PLEKHG5: variants seen among roughly 807,000 people sequenced by gnomAD.
The protein encoded by PLEKHG5 is pleckstrin homology domain-containing family G member 5.
A neutral mutation model predicts 103.8 loss-of-function variants in PLEKHG5; 52 were observed. The ratio of observed to expected loss-of-function variants is 0.50; its 90% CI spans 0.40 to 0.63. The LOEUF (loss-of-function observed/expected upper bound fraction) is 0.63. PLEKHG5 is among the 30% of genes least tolerant of loss of function. The probability of loss-of-function intolerance (pLI) is 0.00; values close to 1 mark genes in which losing one functional copy is unlikely to be tolerated. For missense variants in PLEKHG5, 1,205 were observed against 1,347.6 expected, an observed-to-expected ratio of 0.89 and a Z score of 1.66; for synonymous variants, 592 against 575.5, an observed-to-expected ratio of 1.03 and a Z score of -0.41.
intron 1 of PLEKHG5, among the ~76,000 whole-genome samples, chr1:6,507,925 A>G (rs1638368619): frequency 6.6e-6 from 1 of 152,142 alleles, no homozygotes. Flanking sequence ...ACTGAGGCTT[A>G]GGGAATAGGA....
intron 1 of PLEKHG5, among the ~76,000 whole-genome samples, chr1:6,513,198 G>A (rs1638525710): frequency 6.6e-6 from 1 of 152,222 alleles, no homozygotes; most frequent in South Asian, 2.1e-4. Context: ...CTGGCCCAGG[G>A]CAGGTGCCAG....
In PLEKHG5 at chr1:6,501,836, C is replaced by A. The variant is rs1177110508; in HGVS notation, c.-164-5267G>T. On this transcript the variant is annotated intron_variant, in intron 1 of 21. Transcript: ENST00000377740. The surrounding 1 kb of genome is among the most constrained non-coding windows in gnomAD (Gnocchi z 4.3). Reference sequence around the variant, plus strand: ...TGAGTGTCCCCTTTCCCCACTGGTCCCAGGCTGACACAAGTGCATGGAAAA... The same window carrying A: ...TGAGTGTCCCCTTTCCCCACTGGTCACAGGCTGACACAAGTGCATGGAAAA... 1.3e-5 allele frequency among the ~76,000 whole-genome samples: 2 copies of A among 152,222 alleles called. No homozygotes were observed.
Position 6,468,175 on chromosome 1 carries a change from T to C in PLEKHG5, c.2661A>G (p.Ala887=), listed in dbSNP as rs2148575561. The change falls in exon 20 of 21, where the codon GCA becomes GCG. Residue 887 remains alanine, a synonymous_variant. Coordinates refer to ENST00000377728, the MANE Select transcript of PLEKHG5 (RefSeq NM_020631.6). ...KSEASLLQLL[A]GAGTHGTPSA... Reference sequence around the variant, plus strand: ...AGGGTGTCCCATGGGTGCCAGCCCCTGCCAGCAGCTGGAGGAGGCTGGCCT... The same window carrying C: ...AGGGTGTCCCATGGGTGCCAGCCCCCGCCAGCAGCTGGAGGAGGCTGGCCT... 1.3e-6 allele frequency: 2 copies of C among 1,568,764 alleles called. No individual in the cohort carries two copies. The highest frequency in any genetic ancestry group is 2.3e-5 in the East Asian group (1 of 44,410).
At chr1:6,471,403 T>A in intron 12 of PLEKHG5, 85 bp downstream of exon 12, 3 of 1,449,618 alleles carry the variant, frequency 2.1e-6, no homozygotes, top group Non-Finnish European at 2.8e-6. Flanking sequence ...TTGGGGATGC[T>A]GGGCAGACCG....
Position 6,469,129 on chromosome 1 carries a change from TCC to T in PLEKHG5, c.2160_2161del (p.Glu721GlyfsTer64), listed in dbSNP as rs544570668. The T allele has an allele frequency of 4.6e-3, 7,378 of 1,595,082 alleles. 292 individuals carry two copies. The African/African-American group carries it at 0.091, about 20-fold the overall frequency. ...AGTGCCACTGTCCTCGCCTTCCTCC[TCC>T]TCCTCCTCCTCCTCCTCTTCCTCCT... On this transcript the variant is annotated frameshift_variant, in exon 19 of 21. Transcript: ENST00000377728. LOFTEE classifies it high-confidence loss of function.
At chr1:6,482,539 G>T (rs1360727957) in intron 1 of PLEKHG5, among the ~76,000 whole-genome samples, 2 of 152,124 alleles carry the variant, frequency 1.3e-5, no homozygotes, top group Non-Finnish European at 2.9e-5. Flanking sequence ...CATTACATGT[G>T]TATCTCATCC....
intron 1 of PLEKHG5, chr1:6,485,977 ACCC>A: frequency 1.3e-6 from 1 of 767,762 alleles, no homozygotes; most frequent in Non-Finnish European, 1.6e-6. Flanking sequence ...CGCTGGTGAC[ACCC>A]CCCCCCACCT....
intron 6 of PLEKHG5, 125 bp from the exon 7 acceptor site, chr1:6,474,289 C>G (rs1345596225): frequency 3.1e-6 from 4 of 1,288,690 alleles, no homozygotes; most frequent in Non-Finnish European, 4.4e-6. Context: ...CCCCGCCCTG[C>G]CAGCACCCTC....
At chr1:6,476,365 G>C (rs1644765564) in intron 2 of PLEKHG5, among the ~76,000 whole-genome samples, 1 of 151,886 alleles carries the variant, frequency 6.6e-6, no homozygotes, top group African/African-American at 2.4e-5. Flanking sequence ...TCATTTTTTT[G>C]TATTTTTAGT....
intron 1 of PLEKHG5, among the ~76,000 whole-genome samples, chr1:6,509,371 TG>T (rs1295292908): frequency 6.6e-6 from 1 of 152,164 alleles, no homozygotes; most frequent in East Asian, 1.9e-4. Flanking sequence ...GCCTTGGACA[TG>T]GGGAGGGGGC....
rs192202988 is a variant in PLEKHG5, at chr1:6,511,944, C to T, written c.-165+7501G>A. Among the ~76,000 whole-genome samples the T allele has an allele frequency of 1.8e-3, 268 of 152,344 alleles. 2 individuals are homozygous for T. The highest frequency in any genetic ancestry group is 3.4e-3 in the Middle Eastern group (1 of 294). ...TCTTCCCTGTGCTCAGGAACAGACTCCTGCTGGGCCAGGGACCCTCTCAGC... is the reference window on the plus strand; with the variant it reads ...TCTTCCCTGTGCTCAGGAACAGACTTCTGCTGGGCCAGGGACCCTCTCAGC... On this transcript the variant is annotated intron_variant, in intron 1 of 21. Coordinates refer to the PLEKHG5 transcript ENST00000377740.
Position 6,477,550 on chromosome 1 carries a change from G to A in PLEKHG5, c.22C>T (p.Arg8Cys), listed in dbSNP as rs754002297. MHYDGHV[R>C]FDLPPQGSVL... ...TCACCTTGTGGGGGAAGGTCGAAGC[G>A]GACATGCCCATCATAATGCATGGTG... The change falls in exon 2 of 21, where the codon CGC (arginine) becomes TGC (cysteine). Residue 8 changes from arginine to cysteine, a missense_variant. Transcript: ENST00000377728. 16 of 1,612,216 alleles carry A rather than the reference G, an allele frequency of 9.9e-6. No homozygotes were observed. In the East Asian group the frequency reaches 2.2e-4, roughly 22 times the overall value.
chr1:6,519,175 T>C (rs1638706955), intron 1 of PLEKHG5, among the ~76,000 whole-genome samples: 1 of 152,222 alleles, frequency 6.6e-6, no homozygotes, highest in Non-Finnish European at 1.5e-5. Flanking sequence ...GTCTTTCTTC[T>C]GTCAGGAGTT....
chr1:6,471,137 G>A (rs775529267), intron 12 of PLEKHG5, 37 bp from the exon 13 acceptor site: 6 of 1,512,210 alleles, frequency 4.0e-6, no homozygotes, highest in Non-Finnish European at 5.4e-6. Context: ...GCCGGTTACC[G>A]CGCGCTCCCT....
At chr1:6,479,235 G>A (rs1644839109) in intron 1 of PLEKHG5, among the ~76,000 whole-genome samples, 1 of 151,340 alleles carries the variant, frequency 6.6e-6, no homozygotes, top group African/African-American at 2.4e-5. Context: ...TCCTCATATA[G>A]GAACTAATCA....
intron 6 of PLEKHG5, 98 bp downstream of exon 6, chr1:6,474,353 G>A: frequency 1.3e-6 from 2 of 1,486,250 alleles, no homozygotes; most frequent in Non-Finnish European, 1.9e-6. Context: ...AGGCTGCTCA[G>A]GCCCACGACC....
At chr1:6,483,747 G>A (rs559712117) in intron 1 of PLEKHG5, among the ~76,000 whole-genome samples, 26 of 152,346 alleles carry the variant, frequency 1.7e-4, no homozygotes, top group African/African-American at 5.8e-4. Flanking sequence ...AATCCACAGC[G>A]CACTGCTGAG....
rs1416649083 is a variant in PLEKHG5 at position 6,487,995 on chromosome 1, C to T, written c.-88+3642G>A. Among the ~76,000 whole-genome samples the T allele has an allele frequency of 6.6e-6, 1 of 152,258 alleles. No individual in the cohort carries two copies. On this transcript the variant is annotated intron_variant, in intron 1 of 20. Coordinates refer to ENST00000377728, the MANE Select transcript of PLEKHG5 (RefSeq NM_020631.6). The surrounding 1 kb of genome is among the most constrained non-coding windows in gnomAD (Gnocchi z 4.1). The stretch of plus-strand genomic sequence containing the variant: ...CCAGGATATCCCTTCCTGTGGCCGA[C>T]AGTCAACAGAGCCTTCCCCACTGCC...
At chr1:6,471,243 G>T in intron 12 of PLEKHG5, 143 bp from the exon 13 acceptor site, 1 of 810,786 alleles carries the variant, frequency 1.2e-6, no homozygotes, top group Non-Finnish European at 2.0e-6. Flanking sequence ...CCTGTTTCCT[G>T]ATGAGGAAAC....
Sources: allele counts gnomAD v4.1 joint callset (sites outside exome capture counted in the v4.1 genomes callset), GRCh38; gene constraint gnomAD v4.1.1; non-coding constraint Gnocchi (gnomAD v3.1); transcripts MANE v1.5; gene names NCBI Gene and HGNC (gene_info 2026-07-23, HGNC 2026-07-21).